Variants in PPP1R3A observed in about 807,000 individuals in gnomAD.
PPP1R3A encodes RG1.
A neutral mutation model predicts 41.7 loss-of-function variants in PPP1R3A; 29 were observed. That is an observed-to-expected ratio of 0.70 (90% CI 0.52 to 0.95). The LOEUF is 0.95. Among genes scored for constraint, PPP1R3A ranks in the 40% least tolerant of loss-of-function variants. The pLI is 0.00. For missense variants in PPP1R3A, 1,352 were observed against 1,292.4 expected, an observed-to-expected ratio of 1.05 and a Z score of -0.71; for synonymous variants, 485 against 453.4, an observed-to-expected ratio of 1.07 and a Z score of -0.89.
rs375026118 is a variant in PPP1R3A, at chr7:113,918,774, C to G, written c.223G>C (p.Val75Leu). 4 of 1,613,824 alleles carry G rather than the reference C, an allele frequency of 2.5e-6. No homozygotes were observed. Among genetic ancestry groups the G allele is most frequent in the Non-Finnish European group, 3.4e-6 (4 of 1,179,856 alleles). ...CAGCAATCAAATTCTTTAACAGACA[C>G]AAGATTGAATCCAAAGGAATCAGCA... ...SFADSFGFNL[V>L]SVKEFDCWEL... The change falls in exon 1 of 4, where the codon GTG becomes CTG. Residue 75 changes from valine (V) to leucine (L), a missense_variant. Physicochemically the swap from Val to Leu is conservative, Grantham distance 32 (BLOSUM62 1). Transcript: ENST00000284601.
chr7:113,917,407 C>A (rs762813568), intron 1 of PPP1R3A, among the ~76,000 whole-genome samples: 1 of 151,998 alleles, frequency 6.6e-6, no homozygotes, highest in Non-Finnish European at 1.5e-5. Flanking sequence ...CAGCTATGTA[C>A]TATCGAGACA....
chr7:113,898,543 A>G (rs1485528476), intron 1 of PPP1R3A, among the ~76,000 whole-genome samples: 1 of 151,776 alleles, frequency 6.6e-6, no homozygotes, highest in Non-Finnish European at 1.5e-5. Context: ...GATAATGATA[A>G]CAATTTTCTC....
In PPP1R3A at chr7:113,905,056, CT is replaced by C. The variant is rs1476335541; in HGVS notation, c.782+13158del. On this transcript the variant is annotated intron_variant, in intron 1 of 3. Coordinates refer to ENST00000284601, the MANE Select transcript of PPP1R3A (RefSeq NM_002711.4). ...TTTTTACTTTGGGTGGAGACTTCAG[CT>C]TTTGTACAATGAAGTTCGCATGAGT... Among the ~76,000 whole-genome samples, 3 of 151,476 alleles carry C rather than the reference CT, an allele frequency of 2.0e-5. No individual in the cohort carries two copies. The East Asian group carries it at 5.8e-4, about 29-fold the overall frequency.
intron 1 of PPP1R3A, among the ~76,000 whole-genome samples, chr7:113,913,651 G>A (rs185686957): frequency 6.6e-6 from 1 of 152,114 alleles, no homozygotes; most frequent in East Asian, 1.9e-4. Context: ...GAACTCAACC[G>A]GTGTACCCAG....
At position 113,918,858 on chromosome 7, in the gene PPP1R3A, C is replaced by T. The variant is rs1797387643; in HGVS notation, c.139G>A (p.Asp47Asn). The change falls in exon 1 of 4, where the codon GAT (aspartate) becomes AAT (asparagine). Residue 47 changes from aspartate (D) to asparagine (N), a missense_variant. Physicochemically the swap from Asp to Asn is conservative, Grantham distance 23. Transcript: ENST00000284601. The part of the protein sequence containing the change: ...FSPQPSRRGS[D>N]SSEDIYLDTP... The stretch of plus-strand genomic sequence containing the variant: ...TCCAGGTATATGTCTTCAGAAGAAT[C>T]AGAACCTCGTCTACTTGGTTGAGGG... 1.2e-6 allele frequency: 2 copies of T among 1,613,784 alleles called. No homozygotes were observed. Among genetic ancestry groups the T allele is most frequent in the Non-Finnish European group, 1.7e-6 (2 of 1,179,796 alleles).
intron 1 of PPP1R3A, among the ~76,000 whole-genome samples, chr7:113,903,161 G>C (rs909156598): frequency 2.3e-4 from 35 of 151,782 alleles, no homozygotes; most frequent in African/African-American, 8.2e-4. Context: ...GAGGTGCCTG[G>C]ATTAATCTTT....
rs765186543 is a variant in PPP1R3A at position 113,877,687 on chromosome 7, T to G, written c.*36A>C. ...ACCAATCCAAATGTTTGGGGTTAAA[T>G]AGCTTATCTTTTAAGAGAGAATAGT... On this transcript the variant is annotated 3_prime_UTR_variant, in exon 4 of 4. Coordinates refer to ENST00000284601, the MANE Select transcript of PPP1R3A (RefSeq NM_002711.4). 1 of 1,513,654 alleles carries G rather than the reference T, an allele frequency of 6.6e-7. No homozygotes were observed. The highest frequency in any genetic ancestry group is 1.4e-5 in the African/African-American group (1 of 71,484). The allele number at this position is 1,513,654 out of a possible 1,614,324, so 93.8% of individuals were successfully genotyped here. A position where few individuals can be genotyped will look rare whatever the true frequency, so the allele number is the denominator to read the frequency against.
intron 1 of PPP1R3A, among the ~76,000 whole-genome samples, chr7:113,910,277 T>C (rs905510845): frequency 6.6e-6 from 1 of 152,010 alleles, no homozygotes; most frequent in Non-Finnish European, 1.5e-5. Flanking sequence ...AGAAAATATA[T>C]AACCATTTGA....
At position 113,884,038 on chromosome 7, in the gene PPP1R3A, T is replaced by C. The variant is rs538156316; in HGVS notation, c.783-1718A>G. ...GGACAAGTACAAATAAAAGTAGAAA[T>C]AAATGAAATTTAAATATATGAAATA... On this transcript the variant is annotated intron_variant, in intron 1 of 3. Transcript: ENST00000284601. 2.4e-4 allele frequency among the ~76,000 whole-genome samples: 37 copies of C among 151,974 alleles called. 1 individual carries two copies. In the South Asian group the frequency reaches 7.7e-3, roughly 32 times the overall value.
Position 113,918,893 on chromosome 7 carries a change from G to C in PPP1R3A, c.104C>G (p.Pro35Arg), listed in dbSNP as rs754039370. ...LCEDEEVTFQ[P>R]GFSPQPSRRG... ...TCTACTTGGTTGAGGGGAGAAACCA[G>C]GTTGGAAAGTAACTTCTTCATCTTC... Residue 35 changes from proline (P) to arginine (R), a missense_variant, in exon 1 of 4, where the codon CCT (proline) becomes CGT (arginine). Transcript: ENST00000284601. 6.2e-7 allele frequency: 1 copy of C among 1,613,340 alleles called. No individual in the cohort carries two copies. Among genetic ancestry groups the C allele is most frequent in the South Asian group, 1.1e-5 (1 of 91,024 alleles).
intron 3 of PPP1R3A, 80 bp from the exon 4 acceptor site, chr7:113,880,205 C>A: frequency 7.9e-7 from 1 of 1,261,780 alleles, no homozygotes; most frequent in Non-Finnish European, 1.1e-6. Flanking sequence ...GTTTTATTAA[C>A]TCGGCTAGTA....
intron 1 of PPP1R3A, among the ~76,000 whole-genome samples, chr7:113,905,426 C>T (rs948816554): frequency 6.6e-6 from 1 of 151,676 alleles, no homozygotes; most frequent in East Asian, 1.9e-4. Context: ...AGTAAAAGCC[C>T]TTGCCTACAA....
chr7:113,892,237 A>G (rs995234385), intron 1 of PPP1R3A, among the ~76,000 whole-genome samples: 3 of 152,116 alleles, frequency 2.0e-5, no homozygotes, highest in Admixed American at 6.6e-5. Flanking sequence ...GACCTTTAAA[A>G]TCAGAAATAT....
rs1217249899 is a variant in PPP1R3A at position 113,879,958 on chromosome 7, T to G, written c.1134A>C (p.Ser378=). 6.2e-7 allele frequency: 1 copy of G among 1,613,596 alleles called. No individual in the cohort carries two copies. The highest frequency in any genetic ancestry group is 8.5e-7 in the Non-Finnish European group (1 of 1,179,680). ...DLFQRSLSPS[S]SAESSVKGDF... ...CTCCCTTTACGGAGCTTTCTGCTGATGAACTTGGAGACAGAGACCTTTGGA... is the reference window on the plus strand; with the variant it reads ...CTCCCTTTACGGAGCTTTCTGCTGAGGAACTTGGAGACAGAGACCTTTGGA... The change falls in exon 4 of 4, where the codon TCA becomes TCC. Residue 378 remains serine (S), a synonymous_variant. Transcript: ENST00000284601.
At chr7:113,917,326 T>C (rs144992952) in intron 1 of PPP1R3A, among the ~76,000 whole-genome samples, 3 of 152,124 alleles carry the variant, frequency 2.0e-5, no homozygotes, top group Non-Finnish European at 2.9e-5. Flanking sequence ...CCCTCTGGGA[T>C]ACTGAGGAGC....
In PPP1R3A at chr7:113,882,095, C is replaced by T; in HGVS notation, c.910G>A (p.Val304Ile). ...KEDLEASNRNVKDVNREHDEH... is the reference protein window; with the variant it reads ...KEDLEASNRNIKDVNREHDEH... ...TCATGTTCCCTGTTTACATCTTTTACATTTCGATTACTGGCTTCCAAATCT... is the reference window on the plus strand; with the variant it reads ...TCATGTTCCCTGTTTACATCTTTTATATTTCGATTACTGGCTTCCAAATCT... Residue 304 changes from valine to isoleucine, a missense_variant, in exon 3 of 4, where the codon GTA (valine) becomes ATA (isoleucine). Val to Ile is a conservative substitution (Grantham distance 29). Coordinates refer to ENST00000284601, the MANE Select transcript of PPP1R3A (RefSeq NM_002711.4). The T allele has an allele frequency of 6.2e-7, 1 of 1,612,282 alleles. No homozygotes were observed. The highest frequency in any genetic ancestry group is 8.5e-7 in the Non-Finnish European group (1 of 1,178,752).
intron 2 of PPP1R3A, 36 bp downstream of exon 2, chr7:113,882,226 G>A (rs897865054): frequency 1.9e-6 from 3 of 1,576,776 alleles, no homozygotes; most frequent in Non-Finnish European, 2.6e-6. Flanking sequence ...TCACAAAAGA[G>A]ACAAATTTGG....
At position 113,895,649 on chromosome 7, in the gene PPP1R3A, A is replaced by G. The variant is rs576050781; in HGVS notation, c.783-13329T>C. Among the ~76,000 whole-genome samples, 5 of 152,062 alleles carry G rather than the reference A, an allele frequency of 3.3e-5. 1 individual carries two copies. The South Asian group carries it at 1.0e-3, about 32-fold the overall frequency. On this transcript the variant is annotated intron_variant, in intron 1 of 3. Transcript: ENST00000284601. ...TTTATATCTATTTTCAAGCAATTCC[A>G]TTTTACAAACATATTTTCAAATTAT...
intron 1 of PPP1R3A, among the ~76,000 whole-genome samples, 174 bp from the exon 2 acceptor site, chr7:113,882,494 C>A (rs1249653792): frequency 6.6e-6 from 1 of 151,716 alleles, no homozygotes; most frequent in Non-Finnish European, 1.5e-5. Context: ...TGGAATGATG[C>A]AATAGTAAGT....
Sources: gnomAD v4.1 joint callset for allele counts (sites outside exome capture counted in the v4.1 genomes callset) on GRCh38, gnomAD v4.1.1 for gene constraint, MANE v1.5 for transcripts, NCBI Gene and HGNC (gene_info 2026-07-23, HGNC 2026-07-21) for gene names.